Variants in CRIM1 observed in about 807,000 individuals in gnomAD.
CRIM1 encodes the protein cysteine-rich motor neuron 1 protein.
In CRIM1, 32 loss-of-function variants were observed where a neutral mutation model predicts 116.4. The observed-to-expected ratio is 0.27, with a 90% confidence interval of 0.21 to 0.37. The LOEUF (loss-of-function observed/expected upper bound fraction) is 0.37. Ranked by LOEUF, CRIM1 falls within the 10% of genes least tolerant of loss-of-function variation. The probability of loss-of-function intolerance (pLI) is 1.00; values close to 1 mark genes in which losing one functional copy is unlikely to be tolerated. For synonymous variants in CRIM1, 590 were observed against 509.2 expected, an observed-to-expected ratio of 1.16 and a Z score of -2.13; for missense variants, 1,331 against 1,354.8, an observed-to-expected ratio of 0.98 and a Z score of 0.28.
intron 7 of CRIM1, among the ~76,000 whole-genome samples, chr2:36,488,143 C>T (rs1679970050): frequency 6.6e-6 from 1 of 152,118 alleles, no homozygotes; most frequent in South Asian, 2.1e-4. Flanking sequence ...GTGAAAAATC[C>T]AGTGAGTCAC....
intron 4 of CRIM1, among the ~76,000 whole-genome samples, chr2:36,446,298 T>C (rs1468603273): frequency 1.3e-5 from 2 of 152,216 alleles, no homozygotes; most frequent in East Asian, 1.9e-4. Flanking sequence ...CTGTGTGAGC[T>C]TGATTTGTTA....
Position 36,517,376 on chromosome 2 carries a change from C to G in CRIM1, c.2040C>G (p.His680Gln). Residue 680 changes from histidine (H) to glutamine (Q), a missense_variant, in exon 12 of 17, where the codon CAC (histidine) becomes CAG (glutamine). Coordinates refer to ENST00000280527, the MANE Select transcript of CRIM1 (RefSeq NM_016441.3). ...KPELSTPSIC[H>Q]APGGEYFVEG... Reference sequence around the variant, plus strand: ...AGCTCAGTACTCCCTCCATTTGCCACGCCCCTGGAGGAGAATACTTTGTGG... The same window carrying G: ...AGCTCAGTACTCCCTCCATTTGCCAGGCCCCTGGAGGAGAATACTTTGTGG... 6.2e-7 allele frequency: 1 copy of G among 1,614,214 alleles called. No homozygotes were observed. Among genetic ancestry groups the G allele is most frequent in the Non-Finnish European group, 8.5e-7 (1 of 1,180,032 alleles).
chr2:36,451,680 C>T (rs914426001), intron 4 of CRIM1, among the ~76,000 whole-genome samples: 2 of 152,186 alleles, frequency 1.3e-5, no homozygotes, highest in African/African-American at 4.8e-5. Context: ...TCCAGAGCTA[C>T]AGCCCATAAC....
chr2:36,507,476 A>G (rs138962252), intron 8 of CRIM1, among the ~76,000 whole-genome samples: 1 of 152,200 alleles, frequency 6.6e-6, no homozygotes, highest in East Asian at 1.9e-4. Flanking sequence ...ACCAAATACC[A>G]TGGTTGTCCC....
chr2:36,513,881 C>T, intron 11 of CRIM1, 116 bp downstream of exon 11: 1 of 852,574 alleles, frequency 1.2e-6, no homozygotes, highest in East Asian at 2.7e-5. Flanking sequence ...GAACACTTTT[C>T]AGCACTGTGT....
At chr2:36,444,689 T>C (rs1676108125) in intron 4 of CRIM1, among the ~76,000 whole-genome samples, 1 of 152,232 alleles carries the variant, frequency 6.6e-6, no homozygotes, top group Admixed American at 6.5e-5. Context: ...CACAGCTCTT[T>C]AGTTTCCTGT....
chr2:36,527,971 T>C (rs908451025), intron 13 of CRIM1, among the ~76,000 whole-genome samples: 3 of 152,148 alleles, frequency 2.0e-5, no homozygotes, highest in Admixed American at 6.5e-5. Context: ...CTCGGTGATA[T>C]GATGTAACCC....
intron 2 of CRIM1, among the ~76,000 whole-genome samples, chr2:36,399,430 GATGGAT>G (rs1372927341): frequency 2.6e-5 from 4 of 152,184 alleles, no homozygotes; most frequent in African/African-American, 9.7e-5. Flanking sequence ...GCAAAGAAGA[GATGGAT>G]ATGCACCATT....
chr2:36,426,342 A>G (rs759559225), intron 2 of CRIM1, among the ~76,000 whole-genome samples: 4 of 152,188 alleles, frequency 2.6e-5, no homozygotes, highest in African/African-American at 4.8e-5. Context: ...TTGAGTTACA[A>G]TCATTAATCT....
intron 1 of CRIM1, among the ~76,000 whole-genome samples, chr2:36,373,090 CAGA>C (rs767096009): frequency 6.6e-6 from 1 of 152,144 alleles, no homozygotes; most frequent in Non-Finnish European, 1.5e-5. Flanking sequence ...ACTTTATCAG[CAGA>C]AGGAGTATTT....
At chr2:36,522,820 A>G (rs1288146582) in intron 13 of CRIM1, among the ~76,000 whole-genome samples, 1 of 138,470 alleles carries the variant, frequency 7.2e-6, no homozygotes, top group Non-Finnish European at 1.6e-5. Flanking sequence ...AAAAAAGAAG[A>G]AGAAGAAGAA....
chr2:36,506,087 C>T (rs924700094), intron 8 of CRIM1, among the ~76,000 whole-genome samples: 1 of 151,374 alleles, frequency 6.6e-6, no homozygotes, highest in African/African-American at 2.4e-5. Flanking sequence ...CTGCAAGCTG[C>T]AAGGTAGGAA....
intron 5 of CRIM1, among the ~76,000 whole-genome samples, chr2:36,472,902 C>T (rs969919216): frequency 6.6e-6 from 1 of 152,152 alleles, no homozygotes; most frequent in African/African-American, 2.4e-5. Context: ...TAGAAGAATT[C>T]TGAGCCATGG....
chr2:36,472,872 G>C (rs1678643248), intron 5 of CRIM1, among the ~76,000 whole-genome samples: 1 of 152,164 alleles, frequency 6.6e-6, no homozygotes, highest in South Asian at 2.1e-4. Flanking sequence ...ACTCAGATTA[G>C]TTTGTTAGCT....
chr2:36,497,915 T>C (rs1052077408), intron 7 of CRIM1, among the ~76,000 whole-genome samples: 4 of 152,292 alleles, frequency 2.6e-5, no homozygotes, highest in African/African-American at 9.6e-5. Flanking sequence ...GAAAACAGTG[T>C]GGACTAATGG....
chr2:36,545,124 C>T (rs892569362), intron 15 of CRIM1, among the ~76,000 whole-genome samples: 1 of 152,174 alleles, frequency 6.6e-6, no homozygotes, highest in African/African-American at 2.4e-5. Flanking sequence ...TTGCTCTTAG[C>T]CGTGACTCAG....
chr2:36,541,469 C>G (rs1341313462), intron 14 of CRIM1, among the ~76,000 whole-genome samples: 1 of 152,120 alleles, frequency 6.6e-6, no homozygotes, highest in African/African-American at 2.4e-5. Context: ...AGAGGGTTAT[C>G]CGAAGTCATG....
intron 2 of CRIM1, among the ~76,000 whole-genome samples, chr2:36,402,269 T>G (rs1368947034): frequency 6.6e-6 from 1 of 152,144 alleles, no homozygotes; most frequent in Admixed American, 6.5e-5. Context: ...CAGGGACATA[T>G]TCTATGAAGG....
intron 2 of CRIM1, among the ~76,000 whole-genome samples, chr2:36,399,569 T>C (rs1233270662): frequency 6.6e-6 from 1 of 152,190 alleles, no homozygotes; most frequent in African/African-American, 2.4e-5. Flanking sequence ...TAGGAAGACT[T>C]TTGAGGAGTC....
Sources: allele counts gnomAD v4.1 joint callset (sites outside exome capture counted in the v4.1 genomes callset), GRCh38; gene constraint gnomAD v4.1.1; transcripts MANE v1.5; gene names NCBI Gene and HGNC (gene_info 2026-07-23, HGNC 2026-07-21).